BCOR: variants seen among roughly 807,000 people sequenced by gnomAD.
BCOR encodes BCL-6 corepressor.
Under a neutral mutation model 86.7 loss-of-function variants are expected in BCOR, and 10 were observed. The ratio of observed to expected loss-of-function variants is 0.12; its 90% CI spans 0.07 to 0.20. The LOEUF is 0.20. Among genes scored for constraint, BCOR ranks in the 10% least tolerant of loss-of-function variants. The probability of loss-of-function intolerance (pLI) is 1.00; values close to 1 mark genes in which losing one functional copy is unlikely to be tolerated. For missense variants in BCOR, 1,259 were observed against 1,452.1 expected (o/e 0.87, Z 2.16); for synonymous variants, 611 against 609.0 (o/e 1.00, Z -0.05).
chrX:40,099,737 T>C (rs1393961441), upstream of BCOR, among the ~76,000 whole-genome samples: 2 of 112,476 alleles, frequency 1.8e-5, no homozygotes, highest in Non-Finnish European at 3.7e-5. Flanking sequence ...TCTCAGCACA[T>C]AGTTATAAAA....
At chrX:40,070,235 G>A (rs774518604) in intron 6 of BCOR, among the ~76,000 whole-genome samples, 13 of 111,869 alleles carry the variant, frequency 1.2e-4, no homozygotes, top group Non-Finnish European at 2.4e-4. Context: ...GGTTTCTCAT[G>A]TTGCAAGCAG....
chrX:40,052,032 A>G lies in BCOR; in HGVS notation c.*77T>C. ...TCATATGTAATAGTGTCCTTTCTTT[A>G]CAGAAATAGTTGTATTATGACACAT... is the stretch of plus-strand genomic sequence containing the variant. On this transcript the variant is annotated 3_prime_UTR_variant, in exon 15 of 15. Coordinates refer to ENST00000378444, the MANE Select transcript of BCOR (RefSeq NM_001123385.2). 1.1e-6 allele frequency: 1 copy of G among 921,997 alleles called. No homozygotes were observed. Among genetic ancestry groups the G allele is most frequent in the Non-Finnish European group, 1.5e-6 (1 of 687,834 alleles). 76.0% of individuals were successfully genotyped at this position (921,997 alleles called of 1,213,427 possible).
Position 40,097,852 on chromosome X carries a change from G to A in BCOR, c.-678C>T, listed in dbSNP as rs1408713686. On this transcript the variant is annotated 5_prime_UTR_variant, in exon 1 of 15. Transcript: ENST00000378444. ...GCCCGCCTAGCTCCCGCTCTCGGTC[G>A]CGGTCTGGGCTCCTGCGCGTCTCCC... Among the ~76,000 whole-genome samples the A allele has an allele frequency of 4.6e-5, 5 of 108,548 alleles. No individual in the cohort carries two copies. The highest frequency in any genetic ancestry group is 9.7e-5 in the Non-Finnish European group (5 of 51,745). The allele number at this position is 108,548 out of a possible 115,157, so 94.3% of individuals were successfully genotyped here.
chrX:40,057,352 G>A (rs771745244), intron 10 of BCOR, 31 bp from the exon 11 acceptor site: 7 of 1,183,412 alleles, frequency 5.9e-6, no homozygotes, highest in Non-Finnish European at 6.9e-6. Flanking sequence ...AATGCCATCA[G>A]ATCACTGCAC....
intron 9 of BCOR, 60 bp from the exon 10 acceptor site, chrX:40,062,453 T>TC (rs1934936469): frequency 8.7e-7 from 1 of 1,153,056 alleles, no homozygotes; most frequent in Non-Finnish European, 1.2e-6. Context: ...AGCCGCTGCT[T>TC]CCCCTCCTCC....
At chrX:40,064,787 T>C (rs992592470) in intron 6 of BCOR, among the ~76,000 whole-genome samples, 188 bp from the exon 7 acceptor site, 4 of 110,924 alleles carry the variant, frequency 3.6e-5, no homozygotes, top group African/African-American at 9.9e-5. Context: ...AGAGGGAGGG[T>C]ACATTGAAGA....
intron 1 of BCOR, among the ~76,000 whole-genome samples, chrX:40,118,819 G>A (rs976794391): frequency 1.8e-5 from 2 of 111,985 alleles, no homozygotes; most frequent in African/African-American, 3.2e-5. Flanking sequence ...CAGGTGGGAG[G>A]CTGCTTGGGA....
At chrX:40,156,532 A>T (rs1165998503) in intron 1 of BCOR, among the ~76,000 whole-genome samples, 2 of 112,982 alleles carry the variant, frequency 1.8e-5, no homozygotes, top group African/African-American at 6.4e-5. Flanking sequence ...TTGCTTGTAC[A>T]GCACAGAAGC....
At chrX:40,075,759 T>TA (rs2147296661) in intron 3 of BCOR, among the ~76,000 whole-genome samples, 1 of 111,052 alleles carries the variant, frequency 9.0e-6, no homozygotes, top group South Asian at 3.9e-4. Context: ...ACTCTGTCTC[T>TA]AAAAAAATTA....
At chrX:40,071,508 GA>G (rs1477138749) in intron 5 of BCOR, 128 bp downstream of exon 5, 20 of 536,182 alleles carry the variant, frequency 3.7e-5, no homozygotes, top group Non-Finnish European at 5.3e-5. Flanking sequence ...AAACACAACA[GA>G]AAAGAAACAA....
chrX:40,074,148 C>T lies in BCOR; in HGVS notation c.1198G>A (p.Gly400Ser), dbSNP rs775366576. The change falls in exon 4 of 15, where the codon GGC becomes AGC. Residue 400 changes from glycine (G) to serine (S), a missense_variant. Around this residue, in one of 7 missense-constraint regions of BCOR, gnomAD observed 534 missense variants for 594.8 expected, o/e 0.90. Transcript: ENST00000378444. ...CCGGGCACTGGCTGGGCACCTTCGC[C>T]CCCTTCCGGAGCCTTGGGATACTTG... The part of the protein sequence containing the change: ...NGKYPKAPEG[G>S]EGAQPVPGHA... The T allele has an allele frequency of 8.2e-7, 1 of 1,212,320 alleles. No individual in the cohort carries two copies. Among genetic ancestry groups the T allele is most frequent in the Non-Finnish European group, 1.1e-6 (1 of 895,618 alleles).
chrX:40,069,801 T>C (rs1935383923), intron 6 of BCOR, among the ~76,000 whole-genome samples: 1 of 112,372 alleles, frequency 8.9e-6, no homozygotes. Context: ...CCCACTGCCC[T>C]GTAGCCACTC....
At chrX:40,117,960 T>TTCTCTCTCTCTCTC (rs747544385) in intron 1 of BCOR, among the ~76,000 whole-genome samples, 11 of 94,444 alleles carry the variant, frequency 1.2e-4, no homozygotes, top group African/African-American at 4.7e-4. Flanking sequence ...CTCGCACTCT[T>TTCTCTCTCTCTCTC]TCTCTCTCTC....
chrX:40,062,675 T>G (rs1016030629), intron 9 of BCOR, 71 bp downstream of exon 9: 35 of 1,027,678 alleles, frequency 3.4e-5, no homozygotes, highest in Non-Finnish European at 4.7e-5. Flanking sequence ...CTTTGTCCCC[T>G]CAAGCTGGGA....
chrX:40,075,306 C>A, intron 3 of BCOR, 126 bp from the exon 4 acceptor site: 1 of 267,477 alleles, frequency 3.7e-6, no homozygotes, highest in Non-Finnish European at 6.7e-6. Flanking sequence ...TAAAGACAGG[C>A]TTCCGGCGGG....
At chrX:40,128,605 T>G (rs1360423775) in intron 1 of BCOR, among the ~76,000 whole-genome samples, 2 of 112,306 alleles carry the variant, frequency 1.8e-5, no homozygotes, top group Non-Finnish European at 3.8e-5. Context: ...ATTCCAATTC[T>G]AGGGCACAGC....
chrX:40,057,039 C>T lies in BCOR; in HGVS notation c.4595+116G>A, dbSNP rs1438043053. On this transcript the variant is annotated intron_variant, in intron 11 of 14. Transcript: ENST00000378444. ...GAGAACCCAGTGGTCAGTGTGCTTA[C>T]AGTCACCCTCTGTCTTTCCTCCTGG... The T allele has an allele frequency of 7.1e-6, 6 of 844,846 alleles. No homozygotes were observed. The African/African-American group carries it at 1.2e-4, about 17-fold the overall frequency. The allele number at this position is 844,846 out of a possible 1,213,427, so 69.6% of individuals were successfully genotyped here. A position where few individuals can be genotyped will look rare whatever the true frequency, so the allele number is the denominator to read the frequency against.
At chrX:40,059,990 T>C (rs752086549) in intron 10 of BCOR, among the ~76,000 whole-genome samples, 16 of 112,109 alleles carry the variant, frequency 1.4e-4, no homozygotes, top group Non-Finnish European at 2.1e-4. Context: ...AAGAACCAGA[T>C]TAACAGAAAA....
In BCOR at chrX:40,051,521, C is replaced by T. The variant is rs1274349913; in HGVS notation, c.*588G>A. On this transcript the variant is annotated 3_prime_UTR_variant, in exon 15 of 15. Transcript: ENST00000378444. ...AACATATAAACAATCCGGTTTGATG[C>T]GTGAAAACTAATTTCACAGCTTTTA... is the stretch of plus-strand genomic sequence containing the variant. The T allele has an allele frequency of 1.7e-5, 3 of 172,141 alleles. No individual in the cohort carries two copies. The highest frequency in any genetic ancestry group is 8.3e-5 in the East Asian group (1 of 12,019). The allele number at this position is 172,141 out of a possible 1,213,427, so 14.2% of individuals were successfully genotyped here. A position where few individuals can be genotyped will look rare whatever the true frequency, so the allele number is the denominator to read the frequency against.
Sources: allele counts gnomAD v4.1 joint callset (sites outside exome capture counted in the v4.1 genomes callset), GRCh38; gene constraint gnomAD v4.1.1; regional missense constraint gnomAD v4.1.1; transcripts MANE v1.5; gene names NCBI Gene and HGNC (gene_info 2026-07-23, HGNC 2026-07-21).